SMG1: variants seen among roughly 807,000 people sequenced by gnomAD.
The protein encoded by SMG1 is serine/threonine-protein kinase SMG1.
Under a neutral mutation model 419.9 loss-of-function variants are expected in SMG1, and 22 were observed. That is an observed-to-expected ratio of 0.05 (90% CI 0.04 to 0.07). The LOEUF is 0.07. Among genes scored for constraint, SMG1 ranks in the 10% least tolerant of loss-of-function variants. The pLI, the probability that SMG1 is intolerant of heterozygous loss-of-function variation, is 1.00. For missense variants in SMG1, 3,185 were observed against 4,342.0 expected, an observed-to-expected ratio of 0.73 and a Z score of 7.49; for synonymous variants, 1,538 against 1,553.5, an observed-to-expected ratio of 0.99 and a Z score of 0.23.
In SMG1 at chr16:18,817,328, G is replaced by A. The variant is rs1380774617; in HGVS notation, c.10037C>T (p.Ser3346Leu). 16 of 1,612,044 alleles carry A rather than the reference G, an allele frequency of 9.9e-6. No homozygotes were observed. Among genetic ancestry groups the A allele is most frequent in the Non-Finnish European group, 1.3e-5 (15 of 1,179,182 alleles). Residue 3346 changes from serine to leucine, a missense_variant, in exon 57 of 63, where the codon TCA becomes TTA. Transcript: ENST00000446231. ...MCSFASQFNS[S>L]VSELELRLLQ... is the part of the protein sequence containing the mutation. The stretch of plus-strand genomic sequence containing the variant: ...TAAACGAAGCTCTAACTCAGACACT[G>A]AACTGTTAAACTGTGATGCAAACGA...
intron 8 of SMG1, among the ~76,000 whole-genome samples, chr16:18,884,394 A>C (rs1436387859): frequency 6.6e-6 from 1 of 152,184 alleles, no homozygotes; most frequent in African/African-American, 2.4e-5. Flanking sequence ...TTAACAGGTA[A>C]ATGTTATTTC....
At chr16:18,818,333 CA>C (rs1180630507) in intron 56 of SMG1, among the ~76,000 whole-genome samples, 1 of 151,952 alleles carries the variant, frequency 6.6e-6, no homozygotes, top group Non-Finnish European at 1.5e-5. Context: ...TGCAGTGAGC[CA>C]AGATCACGCC....
intron 1 of SMG1, 78 bp downstream of exon 1, chr16:18,925,872 A>C: frequency 8.8e-7 from 1 of 1,137,082 alleles, no homozygotes; most frequent in South Asian, 1.6e-5. Flanking sequence ...CGCGCCTCCC[A>C]GCCCCGCGGC....
intron 6 of SMG1, among the ~76,000 whole-genome samples, chr16:18,888,923 C>T (rs954272594): frequency 1.3e-5 from 2 of 148,316 alleles, no homozygotes; most frequent in African/African-American, 2.5e-5. Flanking sequence ...CGCAGGTTCA[C>T]GGCATTCTCC....
chr16:18,827,244 T>C (rs1024729423), intron 55 of SMG1, among the ~76,000 whole-genome samples: 3 of 151,898 alleles, frequency 2.0e-5, no homozygotes, highest in Non-Finnish European at 4.4e-5. Flanking sequence ...CTGGCCAGCA[T>C]GGTGAAACCC....
intron 10 of SMG1, among the ~76,000 whole-genome samples, chr16:18,881,226 A>G (rs1160676947): frequency 1.3e-5 from 2 of 151,898 alleles, no homozygotes; most frequent in Non-Finnish European, 2.9e-5. Flanking sequence ...CCTATAAATT[A>G]TGTCCCTTTT....
At chr16:18,871,310 C>T in intron 16 of SMG1, 54 bp downstream of exon 16, 2 of 850,346 alleles carry the variant, frequency 2.4e-6, no homozygotes, top group Admixed American at 3.3e-5. Context: ...TTACCAAAGA[C>T]CCTTTTAAGG....
intron 1 of SMG1, among the ~76,000 whole-genome samples, chr16:18,905,134 G>A (rs1211594507): frequency 8.6e-5 from 13 of 152,042 alleles, no homozygotes; most frequent in East Asian, 5.8e-4. Context: ...GGTGGTGGGC[G>A]CCTGTAATCC....
chr16:18,855,483 C>T (rs1414776845), intron 29 of SMG1, among the ~76,000 whole-genome samples: 1 of 151,778 alleles, frequency 6.6e-6, no homozygotes, highest in Non-Finnish European at 1.5e-5. Flanking sequence ...ATCCCACCTG[C>T]CAACTGGTCA....
rs865943516 is a variant in SMG1, at chr16:18,836,051, C to T, written c.7939G>A (p.Val2647Met). The change falls in exon 48 of 63, where the codon GTG becomes ATG. Residue 2647 changes from valine (V) to methionine (M), a missense_variant. By Grantham distance (21) the Val-to-Met change is conservative. Transcript: ENST00000446231. ...ATGGCCTTCGGATACTGCAGGGCCA[C>T]GGTTGCATAGTGATGCAGTTGCTCC... ...CLEQLHHYAT[V>M]ALQYPKAIFQ... is the part of the protein sequence containing the mutation. The T allele has an allele frequency of 4.4e-6, 7 of 1,599,354 alleles. No homozygotes were observed. The highest frequency in any genetic ancestry group is 6.0e-6 in the Non-Finnish European group (7 of 1,172,856).
chr16:18,837,577 T>G (rs1184873692), intron 45 of SMG1, 134 bp from the exon 46 acceptor site: 1 of 705,786 alleles, frequency 1.4e-6, no homozygotes. Flanking sequence ...GCCTCCACTG[T>G]ACAAAAACAA....
In SMG1 at chr16:18,876,235, T is replaced by G. The variant is rs1454234348; in HGVS notation, c.1779A>C (p.Lys593Asn). Residue 593 changes from lysine (K) to asparagine (N), a missense_variant, in exon 13 of 63, where the codon AAA (lysine) becomes AAC (asparagine). Lys to Asn is a moderately conservative substitution (Grantham distance 94). Around this residue, in one of 27 missense-constraint regions of SMG1, gnomAD observed 297 missense variants for 491.0 expected, o/e 0.60. Transcript: ENST00000446231. The stretch of plus-strand genomic sequence containing the variant: ...ACACATGATTCTTAAAAGCCTCATG[T>G]TTTATTTCAGAACAGGCCTCAGGAA... ...LQLPEACSEI[K>N]HEAFKNHVFN... The G allele has an allele frequency of 5.6e-6, 9 of 1,611,682 alleles. 1 individual carries two copies. The Admixed American group carries it at 1.5e-4, about 27-fold the overall frequency.
chr16:18,807,558 ACT>A lies in SMG1; in HGVS notation c.*2009_*2010del, dbSNP rs1277321881. The A allele has an allele frequency of 1.3e-5, 2 of 152,216 alleles. No homozygotes were observed. Among genetic ancestry groups the A allele is most frequent in the East Asian group, 1.9e-4 (1 of 5,194 alleles). 9.4% of individuals were successfully genotyped at this position (152,216 alleles called of 1,614,324 possible). A position where few individuals can be genotyped will look rare whatever the true frequency, so the allele number is the denominator to read the frequency against. Reference sequence around the variant, plus strand: ...ATACTTGTTAAAGTACCAAAAAAGCACTGATACTGAAACACATTCTTTCATGG... The same window carrying A: ...ATACTTGTTAAAGTACCAAAAAAGCAGATACTGAAACACATTCTTTCATGG... On this transcript the variant is annotated 3_prime_UTR_variant, in exon 63 of 63. Transcript: ENST00000446231.
chr16:18,882,650 C>T (rs977289367), intron 9 of SMG1, among the ~76,000 whole-genome samples: 2 of 152,104 alleles, frequency 1.3e-5, no homozygotes, highest in Non-Finnish European at 1.5e-5. Context: ...TAAATGAAGA[C>T]GGAAGCTTTT....
At chr16:18,895,980 G>C (rs2037106551) in intron 3 of SMG1, 72 bp downstream of exon 3, 2 of 1,348,904 alleles carry the variant, frequency 1.5e-6, no homozygotes, top group African/African-American at 1.4e-5. Context: ...GTTAGTAAGA[G>C]GCATCCAGAA....
At chr16:18,814,143 T>C (rs1450534870) in intron 60 of SMG1, among the ~76,000 whole-genome samples, 1 of 146,994 alleles carries the variant, frequency 6.8e-6, no homozygotes, top group Non-Finnish European at 1.5e-5. Context: ...AAAAAGATTA[T>C]TTAATGACTG....
rs2036584705 is a variant in SMG1 at position 18,885,758 on chromosome 16, A to C, written c.823-92T>G. On this transcript the variant is annotated intron_variant, in intron 6 of 62. Transcript: ENST00000446231. Reference sequence around the variant, plus strand: ...TCATTATTTACTGACTACATAAAAAACTGAATATGAGACCAAGAAAAATAG... The same window carrying C: ...TCATTATTTACTGACTACATAAAAACCTGAATATGAGACCAAGAAAAATAG... 3 of 1,227,856 alleles carry C rather than the reference A, an allele frequency of 2.4e-6. No homozygotes were observed. In the Admixed American group the frequency reaches 5.7e-5, roughly 23 times the overall value. The allele number at this position is 1,227,856 out of a possible 1,614,324, so 76.1% of individuals were successfully genotyped here.
In SMG1 at chr16:18,830,456, C is replaced by T. The variant is rs1389400865; in HGVS notation, c.8793-87G>A. 7.8e-6 allele frequency: 11 copies of T among 1,417,766 alleles called. No homozygotes were observed. The Admixed American group carries it at 2.1e-4, about 28-fold the overall frequency. The allele number at this position is 1,417,766 out of a possible 1,614,324, so 87.8% of individuals were successfully genotyped here. The stretch of plus-strand genomic sequence containing the variant: ...ACAAAGTCAGTACATCTCACAGCTG[C>T]ATGCTGTGAGAGTCTAGAAAGCCTT... On this transcript the variant is annotated intron_variant, in intron 51 of 62. Transcript: ENST00000446231.
chr16:18,860,036 G>A (rs1186861990), intron 26 of SMG1, among the ~76,000 whole-genome samples: 1 of 152,154 alleles, frequency 6.6e-6, no homozygotes, highest in African/African-American at 2.4e-5. Context: ...GGCCAAGATG[G>A]TGAAACCCCG....
Sources: gnomAD v4.1 joint callset for allele counts (sites outside exome capture counted in the v4.1 genomes callset) on GRCh38, gnomAD v4.1.1 for gene constraint, gnomAD v4.1.1 regional missense constraint, MANE v1.5 for transcripts, NCBI Gene and HGNC (gene_info 2026-07-23, HGNC 2026-07-21) for gene names.